Variants in LHX2 observed in about 807,000 individuals in gnomAD.
The protein encoded by LHX2 is LIM/homeobox protein Lhx2.
In LHX2, 6 loss-of-function variants were observed where a neutral mutation model predicts 33.0. The ratio of observed to expected loss-of-function variants is 0.18; its 90% CI spans 0.10 to 0.36. The LOEUF (loss-of-function observed/expected upper bound fraction) is 0.36, where lower values mean the gene tolerates loss of function less well. Ranked by LOEUF, LHX2 falls within the 10% of genes least tolerant of loss-of-function variation. LHX2 has a pLI of 1.00. For missense variants in LHX2, 442 were observed against 586.2 expected, an observed-to-expected ratio of 0.75 and a Z score of 2.54; for synonymous variants, 292 against 253.1, an observed-to-expected ratio of 1.15 and a Z score of -1.46.
Position 124,016,670 on chromosome 9 carries a change from C to T in LHX2, c.727+1145C>T, listed in dbSNP as rs935292122. 1.3e-5 allele frequency among the ~76,000 whole-genome samples: 2 copies of T among 152,146 alleles called. No individual in the cohort carries two copies. The highest frequency in any genetic ancestry group is 4.8e-5 in the African/African-American group (2 of 41,426). On this transcript the variant is annotated intron_variant, in intron 3 of 4. Transcript: ENST00000373615. This position sits in a 1 kb window ranked among gnomAD's most constrained non-coding sequence, Gnocchi z 4.4. ...AATGAGGGGCGGGTGTTCGCTCCAA[C>T]GAAATCGCTTGGAGGATCATGGGGC... is the stretch of plus-strand genomic sequence containing the variant.
Position 124,015,078 on chromosome 9 carries a change from C to A in LHX2, c.324-44C>A. The A allele has an allele frequency of 6.3e-7, 1 of 1,599,640 alleles. No individual in the cohort carries two copies. The highest frequency in any genetic ancestry group is 1.1e-5 in the South Asian group (1 of 90,762). On this transcript the variant is annotated intron_variant, in intron 2 of 4. Coordinates refer to ENST00000373615, the MANE Select transcript of LHX2 (RefSeq NM_004789.4). This position sits in a 1 kb window ranked among gnomAD's most constrained non-coding sequence, Gnocchi z 7.9. ...ACCTGGAGGAGGAAAAGGGGGGTAC[C>A]CAACCGTGTGTTCCCACAGCCCCTC...
intron 3 of LHX2, among the ~76,000 whole-genome samples, chr9:124,019,311 C>T (rs1859251829): frequency 6.6e-6 from 1 of 152,134 alleles, no homozygotes; most frequent in African/African-American, 2.4e-5. Context: ...GCAAGGGGCT[C>T]TTCCCCATCT....
intron 4 of LHX2, among the ~76,000 whole-genome samples, chr9:124,023,575 G>C (rs937997208): frequency 6.6e-6 from 1 of 152,112 alleles, no homozygotes; most frequent in Non-Finnish European, 1.5e-5. Context: ...GCACCATTAG[G>C]GCACAAACCT....
At chr9:124,028,356 C>T (rs981496533) in intron 4 of LHX2, among the ~76,000 whole-genome samples, 21 of 152,154 alleles carry the variant, frequency 1.4e-4, no homozygotes, top group African/African-American at 4.8e-4. Context: ...GCCTTCTTGT[C>T]CCAGACACAC....
intron 4 of LHX2, among the ~76,000 whole-genome samples, chr9:124,026,504 T>C (rs1564551976): frequency 6.6e-6 from 1 of 151,104 alleles, no homozygotes; most frequent in Admixed American, 6.6e-5. Flanking sequence ...CACTGGAACA[T>C]CCACCCAGAG....
Position 124,032,174 on chromosome 9 carries a change from A to G in LHX2, c.934-246A>G. On this transcript the variant is annotated intron_variant, in intron 4 of 4. Coordinates refer to ENST00000373615, the MANE Select transcript of LHX2 (RefSeq NM_004789.4). This position sits in a 1 kb window ranked among gnomAD's most constrained non-coding sequence, Gnocchi z 4.1. The stretch of plus-strand genomic sequence containing the variant: ...GGAGGATCGCTTGATCCCAGGAGTT[A>G]GAAGCTGCAGTGAGTCGAGATTGTG... The G allele has an allele frequency of 2.2e-6, 1 of 448,100 alleles. No homozygotes were observed. The highest frequency in any genetic ancestry group is 3.7e-5 in the East Asian group (1 of 26,982). The allele number at this position is 448,100 out of a possible 1,614,324, so 27.8% of individuals were successfully genotyped here.
Position 124,016,181 on chromosome 9 carries a change from GC to G in LHX2, c.727+662del, listed in dbSNP as rs1859186942. The stretch of plus-strand genomic sequence containing the variant: ...TGAGGGCCGTGACCCTCGGAAGCGA[GC>G]CCCCCGGGCGGGGACGAGACCGGAG... On this transcript the variant is annotated intron_variant, in intron 3 of 4. Transcript: ENST00000373615. This position sits in a 1 kb window ranked among gnomAD's most constrained non-coding sequence, Gnocchi z 4.4. 7.5e-6 allele frequency among the ~76,000 whole-genome samples: 1 copy of G among 133,820 alleles called. No homozygotes were observed. The allele number at this position is 133,820 out of a possible 152,430, so 87.8% of individuals were successfully genotyped here.
chr9:124,017,944 AG>A, intron 3 of LHX2, among the ~76,000 whole-genome samples: 1 of 151,542 alleles, frequency 6.6e-6, no homozygotes, highest in Admixed American at 6.6e-5. Context: ...GGAGCGGGCG[AG>A]GGGCCCGGGC....
At position 124,032,363 on chromosome 9, in the gene LHX2, C is replaced by CG. The variant is rs66776004; in HGVS notation, c.934-51dup. ...GCAGCAGAGCTCTGAGTGAAGCAGT[C>CG]GGGGGGATGCTCTGCCTGCCTTCCG... is the stretch of plus-strand genomic sequence containing the variant. On this transcript the variant is annotated intron_variant, in intron 4 of 4. Transcript: ENST00000373615. The surrounding 1 kb of genome is among the most constrained non-coding windows in gnomAD (Gnocchi z 4.1). 308,851 of 1,516,590 alleles carry CG rather than the reference C, an allele frequency of 0.2. 33,890 individuals carry two copies. The highest frequency in any genetic ancestry group is 0.45 in the East Asian group (19,678 of 43,438). The allele number at this position is 1,516,590 out of a possible 1,614,324, so 93.9% of individuals were successfully genotyped here. A position where few individuals can be genotyped will look rare whatever the true frequency, so the allele number is the denominator to read the frequency against.
intron 1 of LHX2, among the ~76,000 whole-genome samples, chr9:124,013,521 C>A (rs1296627765): frequency 6.6e-6 from 1 of 152,212 alleles, no homozygotes; most frequent in Non-Finnish European, 1.5e-5. Context: ...CGCTGTCTCT[C>A]CAAAGAGGAT....
At chr9:124,024,879 G>A (rs1296355546) in intron 4 of LHX2, among the ~76,000 whole-genome samples, 2 of 152,216 alleles carry the variant, frequency 1.3e-5, no homozygotes, top group Non-Finnish European at 2.9e-5. Context: ...AATTTCCAAA[G>A]CTCTTTCCAA....
At position 124,021,153 on chromosome 9, in the gene LHX2, C is replaced by T. The variant is rs771568317; in HGVS notation, c.782C>T (p.Pro261Leu). 7 of 1,614,086 alleles carry T rather than the reference C, an allele frequency of 4.3e-6. No homozygotes were observed. The highest frequency in any genetic ancestry group is 3.3e-5 in the Admixed American group (2 of 60,006). Residue 261 changes from proline to leucine, a missense_variant, in exon 4 of 5, where the codon CCG becomes CTG. By Grantham distance (98) the Pro-to-Leu change is moderately conservative (BLOSUM62 -3). Around this residue, in one of 5 missense-constraint regions of LHX2, gnomAD observed 132 missense variants for 139.1 expected, o/e 0.95. Coordinates refer to ENST00000373615, the MANE Select transcript of LHX2 (RefSeq NM_004789.4). ...CACCTGGACCGTGACCAGCCATACC[C>T]GAGCAGCCAGAAGACCAAGCGCATG... ...AEHLDRDQPYPSSQKTKRMRT... is the reference protein window; with the variant it reads ...AEHLDRDQPYLSSQKTKRMRT...
chr9:124,025,803 G>A (rs1828611502), intron 4 of LHX2, among the ~76,000 whole-genome samples: 1 of 152,048 alleles, frequency 6.6e-6, no homozygotes, highest in Admixed American at 6.5e-5. Context: ...GGCCAACATG[G>A]TGAAAACCCG....
chr9:124,023,960 T>C (rs1828561797), intron 4 of LHX2, among the ~76,000 whole-genome samples: 1 of 152,138 alleles, frequency 6.6e-6, no homozygotes, highest in African/African-American at 2.4e-5. Flanking sequence ...TCCCCCACCA[T>C]CCAGATGAGA....
rs370248279 is a variant in LHX2, at chr9:124,025,380, G to A, written c.933+4076G>A. Reference sequence around the variant, plus strand: ...GGCGTGAACCCGGGAGGCGGAGCTTGCAGTGAGCCAAGATTGCGCCACTGC... The same window carrying A: ...GGCGTGAACCCGGGAGGCGGAGCTTACAGTGAGCCAAGATTGCGCCACTGC... On this transcript the variant is annotated intron_variant, in intron 4 of 4. Transcript: ENST00000373615. Among the ~76,000 whole-genome samples, 14 of 149,588 alleles carry A rather than the reference G, an allele frequency of 9.4e-5. No individual in the cohort carries two copies. The East Asian group carries it at 1.8e-3, about 19-fold the overall frequency.
At chr9:124,018,032 C>T (rs1159281557) in intron 3 of LHX2, among the ~76,000 whole-genome samples, 4 of 151,890 alleles carry the variant, frequency 2.6e-5, no homozygotes, top group Non-Finnish European at 4.4e-5. Context: ...CGGCCTCCCC[C>T]AGCCCCAGCT....
chr9:124,020,986 G>T, intron 3 of LHX2, 113 bp from the exon 4 acceptor site: 1 of 900,530 alleles, frequency 1.1e-6, no homozygotes, highest in Non-Finnish European at 1.7e-6. Context: ...TTGTGGCGCA[G>T]ACATGCAGCA....
chr9:124,032,565 C>T lies in LHX2; in HGVS notation c.1079C>T (p.Pro360Leu). Reference sequence around the variant, plus strand: ...GAGCTCTCCAACGCCTCGCTCAGCCCCTCCAGCACGCCCACCACCCTGACA... The same window carrying T: ...GAGCTCTCCAACGCCTCGCTCAGCCTCTCCAGCACGCCCACCACCCTGACA... ...ASELSNASLS[P>L]SSTPTTLTDL... The change falls in exon 5 of 5, where the codon CCC becomes CTC. Residue 360 changes from proline to leucine, a missense_variant. By Grantham distance (98) the Pro-to-Leu change is moderately conservative. This residue lies in a region of LHX2 where 109 missense variants were observed against 98.7 expected (regional missense o/e 1.10). Transcript: ENST00000373615. The surrounding 1 kb of genome is among the most constrained non-coding windows in gnomAD (Gnocchi z 4.1). The T allele has an allele frequency of 6.2e-7, 1 of 1,614,208 alleles. No individual in the cohort carries two copies. The highest frequency in any genetic ancestry group is 8.5e-7 in the Non-Finnish European group (1 of 1,180,032).
Position 124,012,243 on chromosome 9 carries a change from T to C in LHX2, c.-106T>C. The C allele has an allele frequency of 8.8e-7, 1 of 1,132,744 alleles. No homozygotes were observed. Among genetic ancestry groups the C allele is most frequent in the Non-Finnish European group, 1.1e-6 (1 of 900,242 alleles). The allele number at this position is 1,132,744 out of a possible 1,614,324, so 70.2% of individuals were successfully genotyped here. On this transcript the variant is annotated 5_prime_UTR_variant, in exon 1 of 5. Coordinates refer to ENST00000373615, the MANE Select transcript of LHX2 (RefSeq NM_004789.4). The surrounding 1 kb of genome is among the most constrained non-coding windows in gnomAD (Gnocchi z 4.3). Reference sequence around the variant, plus strand: ...AGCTCGGGCGGGGCCGGGGCCGCGGTGGCGATGCACCGGGCCCGTTAGCGC... The same window carrying C: ...AGCTCGGGCGGGGCCGGGGCCGCGGCGGCGATGCACCGGGCCCGTTAGCGC...
Sources: allele counts gnomAD v4.1 joint callset (sites outside exome capture counted in the v4.1 genomes callset), GRCh38; gene constraint gnomAD v4.1.1; regional missense constraint gnomAD v4.1.1; non-coding constraint Gnocchi (gnomAD v3.1); transcripts MANE v1.5; gene names NCBI Gene and HGNC (gene_info 2026-07-23, HGNC 2026-07-21).